Variants in USH2A observed in about 807,000 individuals in gnomAD.
USH2A encodes Usher syndrome 2A (autosomal recessive, mild).
A neutral mutation model predicts 538.9 loss-of-function variants in USH2A; 443 were observed. That is an observed-to-expected ratio of 0.82 (90% CI 0.76 to 0.89). The LOEUF is 0.89. USH2A is among the 40% of genes least tolerant of loss of function. The pLI, the probability that USH2A is intolerant of heterozygous loss-of-function variation, is 0.00. For missense variants in USH2A, 6,633 were observed against 6,324.8 expected (o/e 1.05, Z -1.65); for synonymous variants, 2,413 against 2,273.5 (o/e 1.06, Z -1.75).
In USH2A at chr1:215,674,958, T is replaced by A. The variant is rs753531911; in HGVS notation, c.12953A>T (p.Tyr4318Phe). ...AAAAGGAAGAAGCTCTTCATCAGTG[T>A]AATTGAAAGTCACAGGATCAAAGCT... is the stretch of plus-strand genomic sequence containing the variant. ...PFSFDPVTFN[Y>F]TDEELLPFST... The change falls in exon 63 of 72, where the codon TAC becomes TTC. Residue 4318 changes from tyrosine to phenylalanine, a missense_variant. Coordinates refer to ENST00000307340, the MANE Select transcript of USH2A (RefSeq NM_206933.4). 1 of 1,614,192 alleles carries A rather than the reference T, an allele frequency of 6.2e-7. No homozygotes were observed. The highest frequency in any genetic ancestry group is 1.1e-5 in the South Asian group (1 of 91,082).
intron 3 of USH2A, among the ~76,000 whole-genome samples, chr1:216,415,895 T>C (rs1212379954): frequency 6.6e-6 from 1 of 152,124 alleles, no homozygotes; most frequent in Non-Finnish European, 1.5e-5. Context: ...CTGGGCACTC[T>C]GGCTCATGCC....
chr1:215,957,664 T>C (rs1667102504), intron 37 of USH2A, among the ~76,000 whole-genome samples: 1 of 152,154 alleles, frequency 6.6e-6, no homozygotes, highest in Non-Finnish European at 1.5e-5. Flanking sequence ...TACAGCTGCG[T>C]GGTGGACGTT....
At chr1:215,649,692 G>A (rs918513263) in intron 65 of USH2A, among the ~76,000 whole-genome samples, 3 of 152,102 alleles carry the variant, frequency 2.0e-5, no homozygotes, top group Admixed American at 1.3e-4. Flanking sequence ...TGACACTCTG[G>A]TCTCAGAGGA....
chr1:216,412,793 T>C (rs2039511484), intron 3 of USH2A, among the ~76,000 whole-genome samples: 1 of 151,918 alleles, frequency 6.6e-6, no homozygotes. Flanking sequence ...TTATTACTTT[T>C]AGTTTAAGGT....
intron 44 of USH2A, among the ~76,000 whole-genome samples, chr1:215,858,972 C>T (rs1315995370): frequency 2.6e-5 from 4 of 152,134 alleles, no homozygotes; most frequent in African/African-American, 9.7e-5. Flanking sequence ...GCTGAGGGCT[C>T]TTTCCCTGGC....
At chr1:216,363,920 C>A (rs965408677) in intron 4 of USH2A, among the ~76,000 whole-genome samples, 2 of 151,538 alleles carry the variant, frequency 1.3e-5, no homozygotes, top group East Asian at 1.9e-4. Context: ...TAAAAATGTA[C>A]TAAAAATCTG....
intron 71 of USH2A, among the ~76,000 whole-genome samples, chr1:215,627,413 C>T (rs1006465680): frequency 7.3e-5 from 8 of 109,140 alleles, no homozygotes; most frequent in African/African-American, 1.4e-4. Context: ...TCCTTCCTTC[C>T]TTCCTTCCTT....
chr1:216,260,910 G>A (rs2102565823), intron 11 of USH2A, among the ~76,000 whole-genome samples: 1 of 152,178 alleles, frequency 6.6e-6, no homozygotes, highest in African/African-American at 2.4e-5. Context: ...TCCATAAAGA[G>A]GAAACTGGCA....
intron 21 of USH2A, among the ~76,000 whole-genome samples, chr1:216,154,749 T>C (rs1203714726): frequency 6.6e-6 from 1 of 152,188 alleles, no homozygotes; most frequent in Non-Finnish European, 1.5e-5. Context: ...CGATTAAGTG[T>C]TCTTCTGCTC....
chr1:215,884,816 T>C (rs911624111), intron 41 of USH2A, among the ~76,000 whole-genome samples: 2 of 151,984 alleles, frequency 1.3e-5, no homozygotes, highest in Non-Finnish European at 2.9e-5. Flanking sequence ...AAGCTACACA[T>C]GTTTGTGGTC....
intron 61 of USH2A, among the ~76,000 whole-genome samples, chr1:215,681,851 A>T (rs985436548): frequency 6.6e-6 from 1 of 152,230 alleles, no homozygotes; most frequent in African/African-American, 2.4e-5. Flanking sequence ...AATAAGTCCC[A>T]TTATGATATT....
chr1:216,012,612 T>C lies in USH2A; in HGVS notation c.6326-12050A>G, dbSNP rs544381147. On this transcript the variant is annotated intron_variant, in intron 32 of 71. Transcript: ENST00000307340. ...ATCAGCCAAGCAGTTTTTCAGGCTC[T>C]TAGTATTCAGTGAAACCTTTATATC... Among the ~76,000 whole-genome samples, 8 of 152,244 alleles carry C rather than the reference T, an allele frequency of 5.3e-5. No individual in the cohort carries two copies. The South Asian group carries it at 1.7e-3, about 32-fold the overall frequency.
chr1:215,671,000 A>C lies in USH2A; in HGVS notation c.14105T>G (p.Leu4702Arg). 1 of 1,614,190 alleles carries C rather than the reference A, an allele frequency of 6.2e-7. No individual in the cohort carries two copies. The highest frequency in any genetic ancestry group is 8.5e-7 in the Non-Finnish European group (1 of 1,180,012). Residue 4702 changes from leucine (L) to arginine (R), a missense_variant, in exon 64 of 72, where the codon CTA becomes CGA. Transcript: ENST00000307340. ...GSSTSFIDSELLPFTEYEYQV... is the reference protein window; with the variant it reads ...GSSTSFIDSERLPFTEYEYQV... ...ATACTCATACTCTGTGAAAGGCAAT[A>C]GTTCGGAATCTATAAAAGATGTTGA... is the stretch of plus-strand genomic sequence containing the variant.
At chr1:216,136,210 T>C (rs78112818) in intron 21 of USH2A, among the ~76,000 whole-genome samples, 3,733 of 152,228 alleles carry the variant, frequency 0.025, 59 homozygotes, top group Non-Finnish European at 0.041. Context: ...ATCTCAAGCA[T>C]TCTGAGGGAA....
intron 29 of USH2A, 113 bp downstream of exon 29, chr1:216,072,776 C>A (rs2031599121): frequency 9.6e-7 from 1 of 1,039,212 alleles, no homozygotes; most frequent in Non-Finnish European, 1.5e-6. Flanking sequence ...CATGCTCTGT[C>A]AGAAGACTAC....
At chr1:215,689,655 G>T (rs530082141) in intron 61 of USH2A, among the ~76,000 whole-genome samples, 1 of 152,318 alleles carries the variant, frequency 6.6e-6, no homozygotes, top group African/African-American at 2.4e-5. Flanking sequence ...TGCTATGAGA[G>T]GGCCTGTGAA....
chr1:215,648,699 C>A lies in USH2A; in HGVS notation c.14411G>T (p.Gly4804Val). Residue 4804 changes from glycine to valine, a missense_variant, in exon 66 of 72, where the codon GGA (glycine) becomes GTA (valine). Physicochemically the swap from Gly to Val is moderately radical, Grantham distance 109. Transcript: ENST00000307340. ...GTTGAAGCAGGTGCAGGCCTCTACT[C>A]CAATAGAGTAGTTAGTGAAGGCTTG... ...GLQAFTNYSI[G>V]VEACTCFNCC... The A allele has an allele frequency of 6.2e-7, 1 of 1,614,144 alleles. No homozygotes were observed. The highest frequency in any genetic ancestry group is 1.3e-5 in the African/African-American group (1 of 75,024).
chr1:215,667,030 G>A (rs1185323527), intron 64 of USH2A, among the ~76,000 whole-genome samples: 1 of 152,146 alleles, frequency 6.6e-6, no homozygotes, highest in African/African-American at 2.4e-5. Context: ...GTTGGAGGTT[G>A]CAGTGAGCCA....
rs147615382 is a variant in USH2A, at chr1:215,970,700, G to A, written c.6882C>T (p.Tyr2294=). The change falls in exon 36 of 72, where the codon TAC becomes TAT. Residue 2294 remains tyrosine (Y), a synonymous_variant. Transcript: ENST00000307340. Reference sequence around the variant, plus strand: ...AATGTAAACTCCAAGGAGCAAATCCGTAAGCACGATAGCTGAGTTCTGAGG... The same window carrying A: ...AATGTAAACTCCAAGGAGCAAATCCATAAGCACGATAGCTGAGTTCTGAGG... ...HNSSELSYRA[Y]GFAPWSLHSF... is the part of the protein sequence containing the mutation. The A allele has an allele frequency of 6.3e-5, 101 of 1,613,666 alleles. 1 individual carries two copies. The highest frequency in any genetic ancestry group is 6.3e-4 in the South Asian group (57 of 91,074).
Sources: allele counts gnomAD v4.1 joint callset (sites outside exome capture counted in the v4.1 genomes callset), GRCh38; gene constraint gnomAD v4.1.1; transcripts MANE v1.5; gene names NCBI Gene and HGNC (gene_info 2026-07-23, HGNC 2026-07-21).